Variants in HPCAL1 observed in about 807,000 individuals in gnomAD.
HPCAL1 encodes hippocalcin-like protein 1.
Under a neutral mutation model 17.1 loss-of-function variants are expected in HPCAL1, and 8 were observed. That is an observed-to-expected ratio of 0.47 (90% CI 0.27 to 0.84). HPCAL1 has a LOEUF of 0.84. HPCAL1 is among the 40% of genes least tolerant of loss of function. The pLI, the probability that HPCAL1 is intolerant of heterozygous loss-of-function variation, is 0.13. For missense variants in HPCAL1, 165 were observed against 271.1 expected, an observed-to-expected ratio of 0.61 and a Z score of 2.75; for synonymous variants, 112 against 111.4, an observed-to-expected ratio of 1.01 and a Z score of -0.03.
chr2:10,306,171 C>T (rs1269368589), intron 1 of HPCAL1, among the ~76,000 whole-genome samples: 2 of 152,180 alleles, frequency 1.3e-5, no homozygotes, highest in East Asian at 3.8e-4. Flanking sequence ...GAATTTTTAT[C>T]TAGATTGGGG....
At chr2:10,346,935 C>T (rs1420972555) in intron 1 of HPCAL1, among the ~76,000 whole-genome samples, 2 of 145,904 alleles carry the variant, frequency 1.4e-5, no homozygotes, top group Non-Finnish European at 3.0e-5. Flanking sequence ...ACATTTGTTC[C>T]TCTTGTCATC....
intron 1 of HPCAL1, among the ~76,000 whole-genome samples, chr2:10,327,182 A>T (rs1019019787): frequency 6.6e-6 from 1 of 151,670 alleles, no homozygotes; most frequent in Admixed American, 6.6e-5. Context: ...CCTTCCCCCA[A>T]CTCCTGGGAT....
chr2:10,349,427 G>C (rs112763898), intron 1 of HPCAL1, among the ~76,000 whole-genome samples: 1 of 151,932 alleles, frequency 6.6e-6, no homozygotes, highest in East Asian at 1.9e-4. Context: ...TGATATAGAC[G>C]CCGGGCACGG....
chr2:10,310,984 C>T lies in HPCAL1; in HGVS notation c.-111+7807C>T, dbSNP rs567116078. On this transcript the variant is annotated intron_variant, in intron 1 of 4. Coordinates refer to ENST00000307845, the MANE Select transcript of HPCAL1 (RefSeq NM_002149.4). This position sits in a 1 kb window ranked among gnomAD's most constrained non-coding sequence, Gnocchi z 4.5. ...TTTTTGGAGAGAAGTGAGAACCTCT[C>T]GAAATCGATCACCTATGTTGAAAAA... Among the ~76,000 whole-genome samples, 4 of 152,212 alleles carry T rather than the reference C, an allele frequency of 2.6e-5. No individual in the cohort carries two copies. Among genetic ancestry groups the T allele is most frequent in the South Asian group, 2.1e-4 (1 of 4,822 alleles).
chr2:10,365,933 C>A lies in HPCAL1; in HGVS notation c.-110-30902C>A, dbSNP rs1318201929. 6.6e-6 allele frequency among the ~76,000 whole-genome samples: 1 copy of A among 152,204 alleles called. No individual in the cohort carries two copies. ...GAGATCAGCTATACGTGATATAGAC[C>A]AGGGATGCACGCCTCATGAGGAGAC... On this transcript the variant is annotated intron_variant, in intron 1 of 4. Transcript: ENST00000307845. The surrounding 1 kb of genome is among the most constrained non-coding windows in gnomAD (Gnocchi z 4.8).
chr2:10,378,398 AT>A (rs1250186198), intron 1 of HPCAL1, among the ~76,000 whole-genome samples: 1 of 152,002 alleles, frequency 6.6e-6, no homozygotes, highest in Non-Finnish European at 1.5e-5. Flanking sequence ...ACCTGCTGCC[AT>A]AACAAAGCTC....
At chr2:10,351,799 C>G (rs1445362174) in intron 1 of HPCAL1, among the ~76,000 whole-genome samples, 1 of 151,906 alleles carries the variant, frequency 6.6e-6, no homozygotes, top group Non-Finnish European at 1.5e-5. Context: ...AAAATTCTCC[C>G]TGTCTGAAAA....
intron 4 of HPCAL1, chr2:10,424,493 A>T (rs779774622): frequency 3.0e-5 from 14 of 470,850 alleles, no homozygotes; most frequent in Non-Finnish European, 5.7e-5. Context: ...CTTGCACTCC[A>T]CAAATAATGG....
At chr2:10,417,350 C>G (rs1007857031) in intron 2 of HPCAL1, among the ~76,000 whole-genome samples, 1 of 148,934 alleles carries the variant, frequency 6.7e-6, no homozygotes, top group Non-Finnish European at 1.5e-5. Flanking sequence ...GTGACAAGAG[C>G]GAAACTCCCT....
At chr2:10,325,086 G>T (rs1032245805) in intron 1 of HPCAL1, among the ~76,000 whole-genome samples, 3 of 151,660 alleles carry the variant, frequency 2.0e-5, no homozygotes, top group Non-Finnish European at 4.4e-5. Context: ...ACCCACCTTG[G>T]CCTCCCAAAC....
intron 2 of HPCAL1, among the ~76,000 whole-genome samples, chr2:10,398,190 G>A (rs1306374654): frequency 6.6e-6 from 1 of 152,216 alleles, no homozygotes; most frequent in Non-Finnish European, 1.5e-5. Context: ...ACCTGGGGGA[G>A]GGACATTTGG....
chr2:10,403,386 C>G (rs1021658715), intron 2 of HPCAL1, among the ~76,000 whole-genome samples: 1 of 151,714 alleles, frequency 6.6e-6, no homozygotes, highest in Admixed American at 6.6e-5. Context: ...TGTGACATAG[C>G]CACTGTCACC....
At chr2:10,339,446 A>G (rs920821252) in intron 1 of HPCAL1, among the ~76,000 whole-genome samples, 1 of 152,194 alleles carries the variant, frequency 6.6e-6, no homozygotes, top group African/African-American at 2.4e-5. Flanking sequence ...CTGGGATTAC[A>G]GGCACATGCC....
intron 4 of HPCAL1, chr2:10,424,871 G>C: frequency 2.9e-6 from 1 of 339,814 alleles, no homozygotes; most frequent in Non-Finnish European, 5.9e-6. Flanking sequence ...CACCCTGGAA[G>C]GTGCCTGGCT....
At chr2:10,421,689 A>G (rs912346925) in intron 3 of HPCAL1, among the ~76,000 whole-genome samples, 1 of 152,192 alleles carries the variant, frequency 6.6e-6, no homozygotes, top group African/African-American at 2.4e-5. Context: ...TGACAGAGTG[A>G]GACCCTGCCT....
chr2:10,357,687 A>G (rs1408725876), intron 1 of HPCAL1, among the ~76,000 whole-genome samples: 1 of 152,236 alleles, frequency 6.6e-6, no homozygotes, highest in Non-Finnish European at 1.5e-5. Flanking sequence ...TTTGTAGAAC[A>G]GTTATTTACT....
chr2:10,418,264 C>A (rs141102108), intron 2 of HPCAL1, among the ~76,000 whole-genome samples: 5 of 144,260 alleles, frequency 3.5e-5, no homozygotes, highest in East Asian at 3.6e-4. Context: ...ACTAAAAATA[C>A]ATAAATAAAT....
At chr2:10,332,978 G>A (rs533156163) in intron 1 of HPCAL1, among the ~76,000 whole-genome samples, 4 of 152,018 alleles carry the variant, frequency 2.6e-5, no homozygotes, top group Admixed American at 2.6e-4. Flanking sequence ...AGGGGTGCAG[G>A]GGGGAGGGGC....
chr2:10,333,645 GAA>G (rs1170497594), intron 1 of HPCAL1, among the ~76,000 whole-genome samples: 1 of 152,180 alleles, frequency 6.6e-6, no homozygotes. Context: ...GATTTTTGAA[GAA>G]AGTTTTTATT....
Sources: gnomAD v4.1 joint callset for allele counts (sites outside exome capture counted in the v4.1 genomes callset) on GRCh38, gnomAD v4.1.1 for gene constraint, Gnocchi (gnomAD v3.1) non-coding constraint, MANE v1.5 for transcripts, NCBI Gene and HGNC (gene_info 2026-07-23, HGNC 2026-07-21) for gene names.